The following WDR41 variants were observed in gnomAD, a reference collection of about 807,000 sequenced individuals.
WDR41 encodes WD repeat domain 41.
Under a neutral mutation model 69.3 loss-of-function variants are expected in WDR41, and 63 were observed. The ratio of observed to expected loss-of-function variants is 0.91; its 90% CI spans 0.74 to 1.12. WDR41 has a LOEUF of 1.12. Ranked by LOEUF, WDR41 falls within the 50% of genes most tolerant of loss-of-function variation. The pLI is 0.00. For synonymous variants in WDR41, 185 were observed against 192.1 expected, an observed-to-expected ratio of 0.96 and a Z score of 0.31; for missense variants, 543 against 534.5, an observed-to-expected ratio of 1.02 and a Z score of -0.16.
intron 1 of WDR41, among the ~76,000 whole-genome samples, chr5:77,611,872 C>G (rs1338520708): frequency 1.3e-5 from 2 of 151,294 alleles, no homozygotes; most frequent in Admixed American, 1.3e-4. Flanking sequence ...TTGAAAGGAT[C>G]AATAAAATTG....
intron 1 of WDR41, among the ~76,000 whole-genome samples, chr5:77,505,283 A>G (rs529870337): frequency 3.9e-5 from 6 of 152,122 alleles, no homozygotes; most frequent in African/African-American, 1.2e-4. Flanking sequence ...TACAATTGCT[A>G]CAAAGAGAGT....
chr5:77,458,704 G>C (rs936876484), intron 5 of WDR41, among the ~76,000 whole-genome samples: 3 of 152,028 alleles, frequency 2.0e-5, no homozygotes, highest in Non-Finnish European at 4.4e-5. Context: ...AAAGGTCATG[G>C]GACAAATAGC....
intron 1 of WDR41, among the ~76,000 whole-genome samples, chr5:77,572,333 C>A (rs753498254): frequency 6.6e-6 from 1 of 152,136 alleles, no homozygotes; most frequent in Non-Finnish European, 1.5e-5. Context: ...CTTTTGGCTC[C>A]AAATCTTGTG....
At chr5:77,472,649 A>C (rs1447902552) in intron 2 of WDR41, among the ~76,000 whole-genome samples, 1 of 152,054 alleles carries the variant, frequency 6.6e-6, no homozygotes, top group Non-Finnish European at 1.5e-5. Context: ...GAGCCAAATC[A>C]TGAGTGAACT....
In WDR41 at chr5:77,437,372, C is replaced by T; in HGVS notation, c.1057G>A (p.Glu353Lys). 6.2e-7 allele frequency: 1 copy of T among 1,613,970 alleles called. No individual in the cohort carries two copies. Among genetic ancestry groups the T allele is most frequent in the Admixed American group, 1.7e-5 (1 of 60,022 alleles). Residue 353 changes from glutamate (E) to lysine (K), a missense_variant, in exon 11 of 13, where the codon GAA becomes AAA. Transcript: ENST00000296679. ...GGCTCAGCTGCAAGCTGCTGTTTTTCTCTTAACTCCCAAATGCGTACACTG... is the reference window on the plus strand; with the variant it reads ...GGCTCAGCTGCAAGCTGCTGTTTTTTTCTTAACTCCCAAATGCGTACACTG... ...DGSVRIWELREKQQLAAEPVP... is the reference protein window; with the variant it reads ...DGSVRIWELRKKQQLAAEPVP...
rs190428106 is a variant in WDR41, at chr5:77,445,016, A to G, written c.698-4019T>C. Among the ~76,000 whole-genome samples the G allele has an allele frequency of 2.9e-3, 438 of 152,264 alleles. 4 individuals carry two copies. Among genetic ancestry groups the G allele is most frequent in the African/African-American group, 0.01 (427 of 41,568 alleles). On this transcript the variant is annotated intron_variant, in intron 8 of 12. Transcript: ENST00000296679. ...AATCCAGAAGCTGGTTTTTTGAAAA[A>G]ATTAAAATAGACCACTAGCTAGACT...
intron 1 of WDR41, among the ~76,000 whole-genome samples, chr5:77,612,124 A>T (rs2112342701): frequency 6.6e-6 from 1 of 152,350 alleles, no homozygotes; most frequent in African/African-American, 2.4e-5. Flanking sequence ...GACCAATAAC[A>T]GGCTCTGAAA....
chr5:77,589,363 C>A (rs1276964866), intron 1 of WDR41, among the ~76,000 whole-genome samples: 1 of 152,008 alleles, frequency 6.6e-6, no homozygotes, highest in Non-Finnish European at 1.5e-5. Context: ...ATTTTAGAAT[C>A]AGCTTATCAA....
chr5:77,547,459 T>A (rs568793496), intron 1 of WDR41, among the ~76,000 whole-genome samples: 78 of 151,712 alleles, frequency 5.1e-4, no homozygotes, highest in African/African-American at 1.8e-3. Flanking sequence ...AATCAGTAGC[T>A]CTTCTATACA....
Position 77,438,335 on chromosome 5 carries a change from A to G in WDR41, c.909T>C (p.Gly303=), listed in dbSNP as rs1799027383. ...TCATTTGAAGGCTATACACGTATAA[A>G]CCCCTTCCAACTGCAGCAAATACAT... ...EENVFAAVGR[G]LYVYSLQMKR... The change falls in exon 10 of 13, where the codon GGT becomes GGC. Residue 303 remains glycine (G), a synonymous_variant. Coordinates refer to ENST00000296679, the MANE Select transcript of WDR41 (RefSeq NM_018268.4). 2 of 1,613,894 alleles carry G rather than the reference A, an allele frequency of 1.2e-6. No homozygotes were observed. Among genetic ancestry groups the G allele is most frequent in the African/African-American group, 1.3e-5 (1 of 74,930 alleles).
chr5:77,469,073 G>A (rs763553411), intron 2 of WDR41, among the ~76,000 whole-genome samples: 29 of 152,298 alleles, frequency 1.9e-4, no homozygotes, highest in Non-Finnish European at 2.9e-4. Context: ...AAAAAGGGAT[G>A]AGTTCACGTC....
intron 2 of WDR41, among the ~76,000 whole-genome samples, chr5:77,474,201 C>T (rs938660001): frequency 1.3e-5 from 2 of 151,976 alleles, no homozygotes; most frequent in Non-Finnish European, 2.9e-5. Context: ...AACCAAACAC[C>T]GCATGTTCTC....
chr5:77,491,187 C>T (rs560683353), intron 1 of WDR41: 117 of 410,354 alleles, frequency 2.9e-4, no homozygotes, highest in Admixed American at 9.5e-4. Flanking sequence ...TAAGTGATGA[C>T]ATTACCTTGT....
chr5:77,446,160 GA>G (rs1799372723), intron 8 of WDR41, among the ~76,000 whole-genome samples: 1 of 152,068 alleles, frequency 6.6e-6, no homozygotes. Context: ...AATCATGAAT[GA>G]ACTCCCATTC....
chr5:77,620,338 A>C, intron 1 of WDR41: 1 of 363,188 alleles, frequency 2.8e-6, no homozygotes, highest in South Asian at 2.2e-5. Flanking sequence ...ATATTGCTGT[A>C]AGTCTCTTTA....
At chr5:77,512,946 T>A (rs1481677617) in intron 1 of WDR41, among the ~76,000 whole-genome samples, 1 of 152,114 alleles carries the variant, frequency 6.6e-6, no homozygotes, top group East Asian at 1.9e-4. Context: ...TCTTAGGAAG[T>A]CTTAATTAGC....
chr5:77,587,016 C>T (rs1239457658), intron 1 of WDR41, among the ~76,000 whole-genome samples: 2 of 150,178 alleles, frequency 1.3e-5, no homozygotes, highest in Non-Finnish European at 2.9e-5. Flanking sequence ...CCATGCCCGG[C>T]CCCCTGAATT....
intron 12 of WDR41, among the ~76,000 whole-genome samples, chr5:77,435,260 C>A (rs747101887): frequency 7.2e-5 from 11 of 152,240 alleles, no homozygotes; most frequent in Non-Finnish European, 1.2e-4. Context: ...TACTAAACTT[C>A]AAGGTTCAGC....
chr5:77,457,825 A>G (rs182073120), intron 5 of WDR41, among the ~76,000 whole-genome samples: 36 of 146,600 alleles, frequency 2.5e-4, no homozygotes, highest in Admixed American at 2.4e-3. Context: ...AACAATTTTT[A>G]TGTGAAACAG....
Sources: gnomAD v4.1 joint callset for allele counts (sites outside exome capture counted in the v4.1 genomes callset) on GRCh38, gnomAD v4.1.1 for gene constraint, MANE v1.5 for transcripts, NCBI Gene and HGNC (gene_info 2026-07-23, HGNC 2026-07-21) for gene names.